Variants in FAM135B observed in about 807,000 individuals in gnomAD.
FAM135B encodes protein FAM135B.
In FAM135B, 43 loss-of-function variants were observed where a neutral mutation model predicts 127.7. The ratio of observed to expected loss-of-function variants is 0.34; its 90% CI spans 0.26 to 0.43. FAM135B has a LOEUF of 0.43. Ranked by LOEUF, FAM135B falls within the 20% of genes least tolerant of loss-of-function variation. The pLI is 1.00. For missense variants in FAM135B, 1,558 were observed against 1,725.6 expected (o/e 0.90, Z 1.72); for synonymous variants, 670 against 665.1 (o/e 1.01, Z -0.11).
intron 1 of FAM135B, among the ~76,000 whole-genome samples, chr8:138,478,480 G>A (rs115267552): frequency 5.5e-4 from 83 of 152,022 alleles, no homozygotes; most frequent in African/African-American, 1.6e-3. Context: ...TGCTTTTGTC[G>A]CAGCAATTAA....
intron 3 of FAM135B, among the ~76,000 whole-genome samples, chr8:138,301,277 T>C (rs1825867680): frequency 6.6e-6 from 1 of 152,208 alleles, no homozygotes; most frequent in Non-Finnish European, 1.5e-5. Context: ...CCAGGCATCA[T>C]ACTTCATTCT....
At chr8:138,184,037 G>A (rs1401334350) in intron 9 of FAM135B, among the ~76,000 whole-genome samples, 1 of 152,194 alleles carries the variant, frequency 6.6e-6, no homozygotes, top group Non-Finnish European at 1.5e-5. Context: ...AAGGCACCAT[G>A]AAACACAGGA....
chr8:138,175,165 GAAA>G (rs1161508020), intron 11 of FAM135B, among the ~76,000 whole-genome samples: 3 of 152,158 alleles, frequency 2.0e-5, no homozygotes, highest in Non-Finnish European at 4.4e-5. Flanking sequence ...GCTGGTAAAA[GAAA>G]AACAAAAGCA....
At chr8:138,466,043 T>C (rs1028483636) in intron 1 of FAM135B, among the ~76,000 whole-genome samples, 2 of 152,228 alleles carry the variant, frequency 1.3e-5, no homozygotes, top group Non-Finnish European at 2.9e-5. Context: ...CCCAACGTGC[T>C]GGGATTACAG....
intron 1 of FAM135B, among the ~76,000 whole-genome samples, chr8:138,411,669 C>A (rs935867163): frequency 4.6e-4 from 70 of 152,158 alleles, no homozygotes; most frequent in African/African-American, 1.6e-3. Flanking sequence ...TTCTGCACAG[C>A]AAAAGAAACT....
At chr8:138,338,167 C>T (rs1362184319) in intron 2 of FAM135B, among the ~76,000 whole-genome samples, 2 of 151,810 alleles carry the variant, frequency 1.3e-5, no homozygotes, top group Non-Finnish European at 2.9e-5. Context: ...TAGAAGAAAA[C>T]CTAGGCAATA....
At chr8:138,406,266 A>C (rs1320720716) in intron 1 of FAM135B, among the ~76,000 whole-genome samples, 1 of 152,258 alleles carries the variant, frequency 6.6e-6, no homozygotes, top group East Asian at 1.9e-4. Context: ...GGCAATAATC[A>C]ATAGCTTACC....
At chr8:138,424,090 C>T (rs1394167996) in intron 1 of FAM135B, among the ~76,000 whole-genome samples, 4 of 152,128 alleles carry the variant, frequency 2.6e-5, no homozygotes, top group East Asian at 1.9e-4. Flanking sequence ...TGTTCAAACA[C>T]ACATGCTCTA....
intron 11 of FAM135B, among the ~76,000 whole-genome samples, chr8:138,174,904 C>A (rs988363568): frequency 6.6e-6 from 1 of 152,164 alleles, no homozygotes; most frequent in Non-Finnish European, 1.5e-5. Flanking sequence ...AAAATATAAG[C>A]TTAATGAGAT....
At chr8:138,413,746 T>C (rs1833990957) in intron 1 of FAM135B, among the ~76,000 whole-genome samples, 1 of 152,014 alleles carries the variant, frequency 6.6e-6, no homozygotes. Context: ...ACTCACACTC[T>C]TTCAACCAGT....
intron 1 of FAM135B, among the ~76,000 whole-genome samples, chr8:138,447,810 T>TAATA (rs569728485): frequency 6.9e-6 from 1 of 144,224 alleles, no homozygotes; most frequent in African/African-American, 2.5e-5. Flanking sequence ...AGTATAATAA[T>TAATA]AAAAAAAAAA....
chr8:138,433,359 T>TA (rs1383293884), intron 1 of FAM135B, among the ~76,000 whole-genome samples: 1 of 151,362 alleles, frequency 6.6e-6, no homozygotes, highest in East Asian at 1.9e-4. Context: ...CCGTCTCTAT[T>TA]AAAAAAACAA....
chr8:138,175,877 C>T (rs1563730518), intron 11 of FAM135B, among the ~76,000 whole-genome samples: 1 of 152,128 alleles, frequency 6.6e-6, no homozygotes, highest in Non-Finnish European at 1.5e-5. Context: ...ATTTCCACTC[C>T]TATGTGGACA....
chr8:138,273,207 TG>T (rs1454807394), intron 3 of FAM135B, among the ~76,000 whole-genome samples: 1 of 152,148 alleles, frequency 6.6e-6, no homozygotes, highest in Non-Finnish European at 1.5e-5. Flanking sequence ...AATCTTTTTT[TG>T]TTTTGTTTTG....
intron 2 of FAM135B, among the ~76,000 whole-genome samples, chr8:138,341,073 G>A (rs908679904): frequency 2.6e-5 from 4 of 152,202 alleles, no homozygotes; most frequent in Non-Finnish European, 5.9e-5. Flanking sequence ...TATAAACCCA[G>A]AAGAAGTAGA....
intron 2 of FAM135B, among the ~76,000 whole-genome samples, chr8:138,345,253 G>A (rs1156976567): frequency 6.6e-6 from 1 of 152,184 alleles, no homozygotes; most frequent in Non-Finnish European, 1.5e-5. Flanking sequence ...GTGTCACAGT[G>A]AGGTGATTAG....
chr8:138,297,682 G>C (rs1825571541), intron 3 of FAM135B, among the ~76,000 whole-genome samples: 2 of 152,202 alleles, frequency 1.3e-5, no homozygotes, highest in South Asian at 4.1e-4. Flanking sequence ...AGAGAAGGAG[G>C]ATAGTGAGGA....
At chr8:138,215,329 T>C (rs373121851) in intron 7 of FAM135B, among the ~76,000 whole-genome samples, 3 of 152,204 alleles carry the variant, frequency 2.0e-5, no homozygotes, top group Non-Finnish European at 2.9e-5. Context: ...ATATGGGAGA[T>C]AGAAAATAGT....
chr8:138,496,004 A>G (rs1168918558), intron 1 of FAM135B, among the ~76,000 whole-genome samples: 1 of 152,102 alleles, frequency 6.6e-6, no homozygotes, highest in Non-Finnish European at 1.5e-5. Flanking sequence ...GGAGAAGGGG[A>G]GGGCATAGTC....
Sources: gnomAD v4.1 joint callset for allele counts (sites outside exome capture counted in the v4.1 genomes callset) on GRCh38, gnomAD v4.1.1 for gene constraint, MANE v1.5 for transcripts, NCBI Gene and HGNC (gene_info 2026-07-23, HGNC 2026-07-21) for gene names.